ERBB4: variants seen among roughly 807,000 people sequenced by gnomAD.
ERBB4 encodes erb-b2 receptor tyrosine kinase 4.
ERBB4 carries 42 observed loss-of-function variants against 158.0 expected under a neutral mutation model. That is an observed-to-expected ratio of 0.27 (90% CI 0.21 to 0.34). The LOEUF is 0.34. ERBB4 is among the 10% of genes least tolerant of loss of function. The pLI, the probability that ERBB4 is intolerant of heterozygous loss-of-function variation, is 1.00. For missense variants in ERBB4, 1,333 were observed against 1,624.1 expected (o/e 0.82, Z 3.08); for synonymous variants, 583 against 558.7 (o/e 1.04, Z -0.61).
chr2:211,747,955 C>T (rs1316284119), intron 5 of ERBB4, among the ~76,000 whole-genome samples: 1 of 151,930 alleles, frequency 6.6e-6, no homozygotes, highest in African/African-American at 2.4e-5. Flanking sequence ...GTATAAACTA[C>T]ACACATCATC....
At chr2:211,813,751 C>A (rs961192372) in intron 3 of ERBB4, among the ~76,000 whole-genome samples, 14 of 152,048 alleles carry the variant, frequency 9.2e-5, no homozygotes, top group African/African-American at 3.4e-4. Flanking sequence ...CTTTCAGAAA[C>A]CTTGCTACTT....
chr2:211,838,005 G>C (rs992552902), intron 3 of ERBB4, among the ~76,000 whole-genome samples: 3 of 151,966 alleles, frequency 2.0e-5, no homozygotes, highest in African/African-American at 7.3e-5. Flanking sequence ...TGCCAAAGTG[G>C]ACTGCTTGGG....
At chr2:212,297,506 A>C (rs895216066) in intron 1 of ERBB4, among the ~76,000 whole-genome samples, 1 of 151,922 alleles carries the variant, frequency 6.6e-6, no homozygotes, top group Non-Finnish European at 1.5e-5. Flanking sequence ...ATAACACTAA[A>C]AGACACATAA....
intron 1 of ERBB4, among the ~76,000 whole-genome samples, chr2:212,258,010 G>A (rs1377352539): frequency 6.6e-6 from 1 of 152,032 alleles, no homozygotes; most frequent in Non-Finnish European, 1.5e-5. Context: ...GGTTTATGAA[G>A]TATTTTAGCA....
At chr2:211,840,472 C>T (rs1268457123) in intron 3 of ERBB4, among the ~76,000 whole-genome samples, 1 of 152,118 alleles carries the variant, frequency 6.6e-6, no homozygotes, top group African/African-American at 2.4e-5. Context: ...TCACAACTTG[C>T]TGCAGTTTCC....
intron 20 of ERBB4, among the ~76,000 whole-genome samples, chr2:211,550,731 T>TAC (rs944837813): frequency 2.0e-4 from 27 of 132,326 alleles, no homozygotes; most frequent in South Asian, 1.9e-3. Flanking sequence ...TATATATATA[T>TAC]ACACACACAC....
At chr2:211,393,362 G>A (rs2062843105) in intron 25 of ERBB4, among the ~76,000 whole-genome samples, 1 of 152,074 alleles carries the variant, frequency 6.6e-6, no homozygotes, top group African/African-American at 2.4e-5. Context: ...AAAAAATTGT[G>A]GAGCAGAGAA....
In ERBB4 at chr2:211,488,554, T is replaced by G. The variant is rs112965240; in HGVS notation, c.2488-57454A>C. On this transcript the variant is annotated intron_variant, in intron 20 of 27. Coordinates refer to ENST00000342788, the MANE Select transcript of ERBB4 (RefSeq NM_005235.3). ...AAGCCTCTCATATGCCTTAGAAGGCTAGTTTCTCAATTAAAAGCAGCCAAT... is the reference window on the plus strand; with the variant it reads ...AAGCCTCTCATATGCCTTAGAAGGCGAGTTTCTCAATTAAAAGCAGCCAAT... 4.3e-4 allele frequency among the ~76,000 whole-genome samples: 66 copies of G among 152,228 alleles called. 3 individuals carry two copies. Among genetic ancestry groups the G allele is most frequent in the African/African-American group, 1.4e-3 (60 of 41,566 alleles).
At chr2:211,816,324 T>G (rs1393394520) in intron 3 of ERBB4, among the ~76,000 whole-genome samples, 1 of 151,912 alleles carries the variant, frequency 6.6e-6, no homozygotes, top group Non-Finnish European at 1.5e-5. Flanking sequence ...GCAGATCACT[T>G]GAGGTCAGGA....
chr2:212,272,409 G>T (rs2085375521), intron 1 of ERBB4, among the ~76,000 whole-genome samples: 1 of 151,716 alleles, frequency 6.6e-6, no homozygotes, highest in South Asian at 2.1e-4. Flanking sequence ...GTCAGATGGG[G>T]CAATATGAGT....
chr2:212,300,067 C>A (rs17418814), intron 1 of ERBB4, among the ~76,000 whole-genome samples: 25,125 of 151,364 alleles, frequency 0.17, 2,279 homozygotes, highest in South Asian at 0.3. Context: ...ATTACATCAG[C>A]GAATTAGTTC....
intron 1 of ERBB4, among the ~76,000 whole-genome samples, chr2:212,419,154 T>C (rs1216383945): frequency 6.6e-6 from 1 of 151,762 alleles, no homozygotes; most frequent in Non-Finnish European, 1.5e-5. Flanking sequence ...ATTCACTCTG[T>C]TTCTACCCCC....
chr2:212,248,867 C>T (rs1233386961), intron 1 of ERBB4, among the ~76,000 whole-genome samples: 1 of 151,910 alleles, frequency 6.6e-6, no homozygotes, highest in Non-Finnish European at 1.5e-5. Context: ...TTTTTGCTCA[C>T]CAACAGGAGC....
intron 25 of ERBB4, among the ~76,000 whole-genome samples, chr2:211,418,956 A>G (rs544131615): frequency 6.6e-6 from 1 of 152,236 alleles, no homozygotes; most frequent in East Asian, 1.9e-4. Flanking sequence ...GAAAAGAAAA[A>G]ATAATTGAGG....
At chr2:212,402,551 A>C (rs2091237981) in intron 1 of ERBB4, among the ~76,000 whole-genome samples, 1 of 152,086 alleles carries the variant, frequency 6.6e-6, no homozygotes, top group Non-Finnish European at 1.5e-5. Flanking sequence ...CAACTTTTTG[A>C]TTATAATATT....
At chr2:212,112,740 A>G (rs562279820) in intron 2 of ERBB4, among the ~76,000 whole-genome samples, 53 of 152,344 alleles carry the variant, frequency 3.5e-4, no homozygotes, top group Non-Finnish European at 6.3e-4. Context: ...GCATAAAACC[A>G]GCACAGTGCC....
chr2:211,831,768 C>T (rs994494221), intron 3 of ERBB4, among the ~76,000 whole-genome samples: 3 of 151,826 alleles, frequency 2.0e-5, no homozygotes, highest in Non-Finnish European at 4.4e-5. Flanking sequence ...CCAGGCGTGG[C>T]AGCAGGTGCA....
At chr2:212,225,667 ATAAT>A (rs2083446569) in intron 1 of ERBB4, among the ~76,000 whole-genome samples, 1 of 151,456 alleles carries the variant, frequency 6.6e-6, no homozygotes, top group South Asian at 2.1e-4. Context: ...AAAATATTTA[ATAAT>A]TAAATTCATA....
chr2:211,843,111 T>G (rs1467003866), intron 3 of ERBB4, among the ~76,000 whole-genome samples: 3 of 152,204 alleles, frequency 2.0e-5, no homozygotes, highest in African/African-American at 7.2e-5. Context: ...GTTTGAGACA[T>G]GAAAACCCTA....
Sources: gnomAD v4.1 joint callset for allele counts (sites outside exome capture counted in the v4.1 genomes callset) on GRCh38, gnomAD v4.1.1 for gene constraint, MANE v1.5 for transcripts, NCBI Gene and HGNC (gene_info 2026-07-23, HGNC 2026-07-21) for gene names.